The following MAN1A2 variants were observed in gnomAD, a reference collection of about 807,000 sequenced individuals.
The protein encoded by MAN1A2 is mannosidase alpha class 1A member 2.
In MAN1A2, 26 loss-of-function variants were observed where a neutral mutation model predicts 75.7. The observed-to-expected ratio is 0.34, with a 90% confidence interval of 0.25 to 0.48. MAN1A2 has a LOEUF of 0.48. MAN1A2 is among the 20% of genes least tolerant of loss of function. The pLI, the probability that MAN1A2 is intolerant of heterozygous loss-of-function variation, is 0.99. For synonymous variants in MAN1A2, 247 were observed against 264.6 expected (o/e 0.93, Z 0.65); for missense variants, 562 against 775.5 (o/e 0.72, Z 3.27).
At chr1:117,494,292 CTG>C (rs1448394275) in intron 9 of MAN1A2, 2 of 151,794 alleles carry the variant, frequency 1.3e-5, no homozygotes, top group East Asian at 2.0e-4. Context: ...TAAGAAAAAA[CTG>C]TGAAATAGAA....
At chr1:117,406,057 G>T (rs550680385) in intron 3 of MAN1A2, among the ~76,000 whole-genome samples, 1 of 152,224 alleles carries the variant, frequency 6.6e-6, no homozygotes, top group South Asian at 2.1e-4. Flanking sequence ...ACATACCTGG[G>T]ATGATTGGGT....
At chr1:117,437,917 T>G (rs2101806646) in intron 5 of MAN1A2, among the ~76,000 whole-genome samples, 1 of 152,336 alleles carries the variant, frequency 6.6e-6, no homozygotes. Flanking sequence ...TTTGTCTTAA[T>G]TTATTCAACA....
rs753958114 is a variant in MAN1A2 at position 117,402,332 on chromosome 1, T to C, written c.449T>C (p.Ile150Thr). ...AATAAGGTAGTCCAAGAAATGAAGA[T>C]AAAAGAGAACAAGCCACTGCCACCA... ...EKNKVVQEMK[I>T]KENKPLPPVP... The change falls in exon 2 of 13, where the codon ATA becomes ACA. Residue 150 changes from isoleucine to threonine, a missense_variant. Physicochemically the swap from Ile to Thr is moderately conservative, Grantham distance 89. Coordinates refer to ENST00000356554, the MANE Select transcript of MAN1A2 (RefSeq NM_006699.5). 2 of 1,601,872 alleles carry C rather than the reference T, an allele frequency of 1.2e-6. No individual in the cohort carries two copies. The highest frequency in any genetic ancestry group is 1.7e-6 in the Non-Finnish European group (2 of 1,175,404).
rs59520780 is a variant in MAN1A2 at position 117,468,286 on chromosome 1, C to T, written c.1168+1859C>T. ...GAGAACTCACTCATTATCAAGAGAA[C>T]AGCATGGGGGTAACATCTTCCTGTA... On this transcript the variant is annotated intron_variant, in intron 8 of 12. Transcript: ENST00000356554. Among the ~76,000 whole-genome samples, 253 of 152,242 alleles carry T rather than the reference C, an allele frequency of 1.7e-3. 3 individuals carry two copies. Among genetic ancestry groups the T allele is most frequent in the African/African-American group, 5.7e-3 (235 of 41,572 alleles).
intron 1 of MAN1A2, among the ~76,000 whole-genome samples, chr1:117,388,220 G>A (rs1313506368): frequency 6.6e-6 from 1 of 152,044 alleles, no homozygotes; most frequent in Admixed American, 6.5e-5. Flanking sequence ...TTGAAGAGAG[G>A]GAAGGTTCAA....
intron 6 of MAN1A2, among the ~76,000 whole-genome samples, chr1:117,444,962 G>A (rs1649168470): frequency 6.6e-6 from 1 of 152,080 alleles, no homozygotes; most frequent in Non-Finnish European, 1.5e-5. Flanking sequence ...AAGAATTGAA[G>A]TATGGCATTA....
intron 1 of MAN1A2, among the ~76,000 whole-genome samples, chr1:117,381,251 A>T (rs911361289): frequency 6.6e-6 from 1 of 152,070 alleles, no homozygotes; most frequent in Non-Finnish European, 1.5e-5. Context: ...TTAGTTACAT[A>T]TGTATACATG....
chr1:117,416,368 A>G (rs1647993877), intron 4 of MAN1A2, among the ~76,000 whole-genome samples: 1 of 152,088 alleles, frequency 6.6e-6, no homozygotes, highest in African/African-American at 2.4e-5. Flanking sequence ...CTCTGCGGAA[A>G]TTGTCTTAGT....
At chr1:117,434,448 T>C (rs1648783897) in intron 5 of MAN1A2, among the ~76,000 whole-genome samples, 1 of 152,166 alleles carries the variant, frequency 6.6e-6, no homozygotes, top group Non-Finnish European at 1.5e-5. Flanking sequence ...AGTAAATATT[T>C]AAAATTTAAA....
At chr1:117,511,372 T>G in intron 12 of MAN1A2, among the ~76,000 whole-genome samples, 1 of 151,996 alleles carries the variant, frequency 6.6e-6, no homozygotes, top group South Asian at 2.1e-4. Context: ...ATGCGGGTCT[T>G]GCTAATTGCC....
chr1:117,420,500 G>A, intron 4 of MAN1A2, 69 bp from the exon 5 acceptor site: 1 of 1,094,640 alleles, frequency 9.1e-7, no homozygotes, highest in South Asian at 1.3e-5. Context: ...AACAAATGAA[G>A]TATTGATAAT....
chr1:117,383,727 T>C (rs908498618), intron 1 of MAN1A2, among the ~76,000 whole-genome samples: 2 of 152,106 alleles, frequency 1.3e-5, no homozygotes, highest in Non-Finnish European at 2.9e-5. Flanking sequence ...TGGTGAATAA[T>C]TGTTTATCAT....
intron 12 of MAN1A2, among the ~76,000 whole-genome samples, chr1:117,509,832 GTTTC>G (rs1651475839): frequency 6.7e-6 from 1 of 149,774 alleles, no homozygotes; most frequent in African/African-American, 2.5e-5. Context: ...AAAAAAATGA[GTTTC>G]TTTGTGCCTC....
intron 1 of MAN1A2, among the ~76,000 whole-genome samples, chr1:117,391,057 CTGTGA>C (rs1653703065): frequency 6.6e-6 from 1 of 151,996 alleles, no homozygotes; most frequent in Non-Finnish European, 1.5e-5. Flanking sequence ...CTTCTTGGAC[CTGTGA>C]TTATTGAGAA....
At chr1:117,381,546 T>C (rs1029085070) in intron 1 of MAN1A2, among the ~76,000 whole-genome samples, 26 of 152,146 alleles carry the variant, frequency 1.7e-4, no homozygotes, top group African/African-American at 5.3e-4. Flanking sequence ...TAGTATTCCA[T>C]GGTGTATATG....
At chr1:117,414,233 A>G (rs1557940043) in intron 3 of MAN1A2, among the ~76,000 whole-genome samples, 1 of 150,878 alleles carries the variant, frequency 6.6e-6, no homozygotes, top group African/African-American at 2.4e-5. Context: ...TTGTACATTT[A>G]TTATTATTTT....
intron 3 of MAN1A2, among the ~76,000 whole-genome samples, chr1:117,408,169 C>T (rs568403341): frequency 1.1e-4 from 17 of 152,026 alleles, no homozygotes; most frequent in East Asian, 1.9e-4. Flanking sequence ...GTCCCAGCTC[C>T]GCAGGAGGTT....
intron 1 of MAN1A2, among the ~76,000 whole-genome samples, chr1:117,387,896 T>G (rs189653414): frequency 2.0e-5 from 3 of 152,154 alleles, no homozygotes; most frequent in African/African-American, 7.2e-5. Flanking sequence ...TCTCTTTCTC[T>G]TCCTTTCCTT....
intron 6 of MAN1A2, among the ~76,000 whole-genome samples, chr1:117,444,195 A>G (rs1203800286): frequency 2.0e-5 from 3 of 152,128 alleles, no homozygotes; most frequent in Non-Finnish European, 2.9e-5. Flanking sequence ...AATCTTTGTG[A>G]TGAATACCAA....
Sources: gnomAD v4.1 joint callset for allele counts (sites outside exome capture counted in the v4.1 genomes callset) on GRCh38, gnomAD v4.1.1 for gene constraint, MANE v1.5 for transcripts, NCBI Gene and HGNC (gene_info 2026-07-23, HGNC 2026-07-21) for gene names.